CNTN4: variants seen among roughly 807,000 people sequenced by gnomAD.
CNTN4 encodes contactin 4.
Under a neutral mutation model 122.5 loss-of-function variants are expected in CNTN4, and 77 were observed. The ratio of observed to expected loss-of-function variants is 0.63; its 90% CI spans 0.52 to 0.76. The LOEUF (loss-of-function observed/expected upper bound fraction) is 0.76, where lower values mean the gene tolerates loss of function less well. CNTN4 is among the 30% of genes least tolerant of loss of function. The pLI is 0.00. For missense variants in CNTN4, 1,256 were observed against 1,259.1 expected (o/e 1.00, Z 0.04); for synonymous variants, 512 against 447.0 (o/e 1.15, Z -1.83).
At chr3:2,856,552 A>G (rs1354050848) in intron 7 of CNTN4, among the ~76,000 whole-genome samples, 1 of 151,348 alleles carries the variant, frequency 6.6e-6, no homozygotes, top group Non-Finnish European at 1.5e-5. Flanking sequence ...CTTAAAATAC[A>G]ATTTCGTGGG....
chr3:2,533,831 G>A (rs530796556), intron 3 of CNTN4, among the ~76,000 whole-genome samples: 1 of 152,208 alleles, frequency 6.6e-6, no homozygotes, highest in East Asian at 1.9e-4. Context: ...GTCTCATTGT[G>A]GTTTTGATTT....
intron 6 of CNTN4, among the ~76,000 whole-genome samples, chr3:2,779,820 A>T (rs988055847): frequency 6.6e-6 from 1 of 152,156 alleles, no homozygotes; most frequent in Admixed American, 6.5e-5. Flanking sequence ...TGAGGGGGAA[A>T]ATTCTTAGGA....
chr3:3,014,876 T>C (rs538396012), intron 14 of CNTN4, among the ~76,000 whole-genome samples: 5 of 77,178 alleles, frequency 6.5e-5, no homozygotes, highest in African/African-American at 2.6e-4. Context: ...TGACCCTCGA[T>C]TGGTTTTTTT....
At chr3:2,425,150 C>T (rs1461988836) in intron 3 of CNTN4, among the ~76,000 whole-genome samples, 1 of 152,146 alleles carries the variant, frequency 6.6e-6, no homozygotes, top group African/African-American at 2.4e-5. Flanking sequence ...TTGCCCATTC[C>T]TATGTCCTGA....
At chr3:2,411,625 T>C (rs2047229967) in intron 3 of CNTN4, among the ~76,000 whole-genome samples, 1 of 152,170 alleles carries the variant, frequency 6.6e-6, no homozygotes, top group Non-Finnish European at 1.5e-5. Flanking sequence ...GACTAATCGC[T>C]TCCCTGCCTG....
intron 4 of CNTN4, among the ~76,000 whole-genome samples, chr3:2,606,434 A>G (rs1232060811): frequency 6.6e-6 from 1 of 152,138 alleles, no homozygotes; most frequent in Non-Finnish European, 1.5e-5. Flanking sequence ...GCAAACCATT[A>G]TGGCACACGT....
At chr3:2,259,229 G>A (rs1361710107) in intron 2 of CNTN4, among the ~76,000 whole-genome samples, 1 of 152,062 alleles carries the variant, frequency 6.6e-6, no homozygotes, top group African/African-American at 2.4e-5. Context: ...ACATAAATAA[G>A]GAATCTGCTA....
intron 7 of CNTN4, among the ~76,000 whole-genome samples, chr3:2,831,575 C>A (rs1436126302): frequency 6.6e-6 from 1 of 152,128 alleles, no homozygotes; most frequent in Admixed American, 6.5e-5. Context: ...CATCTCCAGC[C>A]GAAACACACC....
intron 2 of CNTN4, among the ~76,000 whole-genome samples, chr3:2,247,309 A>G (rs2040194762): frequency 6.6e-6 from 1 of 152,060 alleles, no homozygotes; most frequent in Non-Finnish European, 1.5e-5. Flanking sequence ...TTATAAAATC[A>G]GATGAAAGCC....
chr3:2,800,509 G>A (rs894833129), intron 6 of CNTN4, among the ~76,000 whole-genome samples: 3 of 152,150 alleles, frequency 2.0e-5, no homozygotes, highest in Admixed American at 1.3e-4. Flanking sequence ...GAGTTCTTCA[G>A]GGGCAGGAGC....
chr3:3,039,935 G>A (rs1178580214), intron 19 of CNTN4, 102 bp from the exon 20 acceptor site: 1 of 802,104 alleles, frequency 1.2e-6, no homozygotes, highest in East Asian at 2.6e-5. Flanking sequence ...TAAGATGGGT[G>A]GAGAAGGATG....
At chr3:2,931,093 G>T (rs1055376809) in intron 13 of CNTN4, among the ~76,000 whole-genome samples, 3 of 152,150 alleles carry the variant, frequency 2.0e-5, no homozygotes, top group Non-Finnish European at 2.9e-5. Flanking sequence ...AAATTACTGT[G>T]CCTGCAACAT....
At chr3:2,765,351 A>T (rs78300086) in intron 6 of CNTN4, among the ~76,000 whole-genome samples, 1 of 152,216 alleles carries the variant, frequency 6.6e-6, no homozygotes, top group East Asian at 1.9e-4. Flanking sequence ...GTGCTAGAGA[A>T]TGGAGCTCAA....
chr3:2,708,681 C>G (rs1023117675), intron 4 of CNTN4, among the ~76,000 whole-genome samples: 1 of 150,576 alleles, frequency 6.6e-6, no homozygotes. Flanking sequence ...CCATTCCCTC[C>G]TACCCAGAGA....
intron 3 of CNTN4, among the ~76,000 whole-genome samples, chr3:2,493,899 C>G (rs951137036): frequency 6.6e-6 from 1 of 152,030 alleles, no homozygotes; most frequent in Non-Finnish European, 1.5e-5. Context: ...TAGTGGCTAT[C>G]TTGGACCAAG....
intron 7 of CNTN4, among the ~76,000 whole-genome samples, chr3:2,837,412 T>A (rs1019393624): frequency 4.6e-5 from 7 of 152,278 alleles, no homozygotes; most frequent in African/African-American, 1.7e-4. Flanking sequence ...AATGCCTGGA[T>A]TGGCAGTAAT....
At chr3:2,978,428 A>G (rs13314356) in intron 13 of CNTN4, among the ~76,000 whole-genome samples, 57 of 152,294 alleles carry the variant, frequency 3.7e-4, no homozygotes, top group East Asian at 1.9e-3. Context: ...CCAGGCATAG[A>G]CGGGAGCTAG....
At chr3:2,690,515 A>G (rs1247033358) in intron 4 of CNTN4, among the ~76,000 whole-genome samples, 1 of 152,166 alleles carries the variant, frequency 6.6e-6, no homozygotes, top group Non-Finnish European at 1.5e-5. Flanking sequence ...TTAGGCAAAT[A>G]ATCAGTATCC....
At position 2,503,461 on chromosome 3, in the gene CNTN4, G is replaced by A. The variant is rs1264423573; in HGVS notation, c.-88-67955G>A. The stretch of plus-strand genomic sequence containing the variant: ...AGCTATCATTCATTGAGTGCTTAGT[G>A]TGCCAGGCGTCTTTAAGAGCTTTAC... On this transcript the variant is annotated intron_variant, in intron 3 of 24. Transcript: ENST00000418658. Among the ~76,000 whole-genome samples the A allele has an allele frequency of 2.6e-5, 4 of 152,128 alleles. 1 individual carries two copies. The highest frequency in any genetic ancestry group is 2.6e-4 in the Admixed American group (4 of 15,254).
Sources: allele counts gnomAD v4.1 joint callset (sites outside exome capture counted in the v4.1 genomes callset), GRCh38; gene constraint gnomAD v4.1.1; transcripts MANE v1.5; gene names NCBI Gene and HGNC (gene_info 2026-07-23, HGNC 2026-07-21).